Variants in HSD17B12 observed in about 807,000 individuals in gnomAD.
HSD17B12 encodes very-long-chain 3-oxoacyl-CoA reductase.
Under a neutral mutation model 39.3 loss-of-function variants are expected in HSD17B12, and 32 were observed. The observed-to-expected ratio is 0.81, with a 90% CI of 0.61 to 1.09. The LOEUF is 1.09. HSD17B12 is among the 50% of genes least tolerant of loss of function. The pLI, the probability that HSD17B12 is intolerant of heterozygous loss-of-function variation, is 0.00. For synonymous variants in HSD17B12, 150 were observed against 146.7 expected (o/e 1.02, Z -0.16); for missense variants, 342 against 382.9 (o/e 0.89, Z 0.89).
At chr11:43,614,736 G>A in the HSD17B12 span, among the ~76,000 whole-genome samples, 1 of 152,118 alleles carries the variant, frequency 6.6e-6, no homozygotes. Flanking sequence ...CAGTGTCCAA[G>A]CTGCTGTTAA....
chr11:43,848,448 G>T (rs975776883), intron 9 of HSD17B12: 1 of 152,132 alleles, frequency 6.6e-6, no homozygotes, highest in Non-Finnish European at 1.5e-5. Context: ...TATTCTCCAT[G>T]GAAAATGGCA....
intron 3 of HSD17B12, among the ~76,000 whole-genome samples, chr11:43,797,595 C>G (rs563927507): frequency 6.6e-6 from 1 of 152,322 alleles, no homozygotes; most frequent in South Asian, 2.1e-4. Context: ...TATCTCTTCA[C>G]AGGGGCTGTC....
chr11:43,706,815 G>A (rs1055308433), intron 1 of HSD17B12, among the ~76,000 whole-genome samples: 1 of 151,922 alleles, frequency 6.6e-6, no homozygotes, highest in East Asian at 1.9e-4. Context: ...CTGTGTTTAA[G>A]GTACAGTATT....
intron 7 of HSD17B12, chr11:43,833,433 A>G (rs1354754483): frequency 6.6e-6 from 1 of 152,136 alleles, no homozygotes; most frequent in African/African-American, 2.4e-5. Flanking sequence ...CAGCTGACAG[A>G]TGAAAGACAA....
rs529174203 is a variant in HSD17B12, at chr11:43,772,188, A to G, written c.283+18067A>G. Among the ~76,000 whole-genome samples, 31 of 152,352 alleles carry G rather than the reference A, an allele frequency of 2.0e-4. No homozygotes were observed. The Middle Eastern group carries it at 0.014, about 67-fold the overall frequency. On this transcript the variant is annotated intron_variant, in intron 3 of 10. Coordinates refer to ENST00000278353, the MANE Select transcript of HSD17B12 (RefSeq NM_016142.3). Reference sequence around the variant, plus strand: ...GTTGAGTCGTTAATAGTGAGGAGACATAAAGTACATTTTAAAGATCCTGTT... The same window carrying G: ...GTTGAGTCGTTAATAGTGAGGAGACGTAAAGTACATTTTAAAGATCCTGTT...
At chr11:43,560,602 C>A in the HSD17B12 span, among the ~76,000 whole-genome samples, 1 of 152,210 alleles carries the variant, frequency 6.6e-6, no homozygotes, top group South Asian at 2.1e-4. Flanking sequence ...TCTCACTGAG[C>A]TCCCACTGGA....
intron 1 of HSD17B12, among the ~76,000 whole-genome samples, chr11:43,683,135 C>T (rs1199524609): frequency 1.3e-5 from 2 of 149,000 alleles, no homozygotes; most frequent in Non-Finnish European, 3.0e-5. Flanking sequence ...TAAAATTGAC[C>T]ATATTGGTTG....
intron 3 of HSD17B12, among the ~76,000 whole-genome samples, chr11:43,773,786 A>T (rs532972875): frequency 6.6e-6 from 1 of 152,148 alleles, no homozygotes; most frequent in African/African-American, 2.4e-5. Flanking sequence ...TGTATATACC[A>T]CCTACAAAAT....
At chr11:43,574,328 G>C in the HSD17B12 span, among the ~76,000 whole-genome samples, 1 of 152,186 alleles carries the variant, frequency 6.6e-6, no homozygotes, top group African/African-American at 2.4e-5. Flanking sequence ...TGGCATCAAA[G>C]GAAACCATTG....
intron 1 of HSD17B12, chr11:43,718,857 C>A: frequency 1.1e-6 from 1 of 876,412 alleles, no homozygotes; most frequent in Non-Finnish European, 1.9e-6. Flanking sequence ...CCCAAATATC[C>A]TCGGAAAAGC....
the HSD17B12 span, among the ~76,000 whole-genome samples, chr11:43,669,715 GTC>G: frequency 2.0e-5 from 3 of 152,038 alleles, no homozygotes; most frequent in Admixed American, 6.6e-5. Context: ...CTCTCCCTCT[GTC>G]TCTTTGTGTT....
chr11:43,768,644 G>A (rs1336717411), intron 3 of HSD17B12, among the ~76,000 whole-genome samples: 2 of 152,218 alleles, frequency 1.3e-5, no homozygotes. Context: ...TGAAGCCACA[G>A]ACCTCACTGC....
upstream of HSD17B12, chr11:43,680,710 A>G: frequency 1.1e-6 from 1 of 881,922 alleles, no homozygotes; most frequent in South Asian, 1.5e-5. Context: ...TTTAGGCCCA[A>G]AGTGGTGTCG....
chr11:43,655,080 C>T, the HSD17B12 span, among the ~76,000 whole-genome samples: 2 of 152,010 alleles, frequency 1.3e-5, no homozygotes, highest in Non-Finnish European at 2.9e-5. Context: ...TTTTATTTCA[C>T]TGAGCAGTGG....
At chr11:43,564,247 C>T in the HSD17B12 span, among the ~76,000 whole-genome samples, 1 of 152,298 alleles carries the variant, frequency 6.6e-6, no homozygotes, top group South Asian at 2.1e-4. Flanking sequence ...GTATTAATAA[C>T]CAGAGAGCCA....
intron 1 of HSD17B12, among the ~76,000 whole-genome samples, chr11:43,721,627 A>T (rs773600214): frequency 6.6e-6 from 1 of 152,116 alleles, no homozygotes; most frequent in Non-Finnish European, 1.5e-5. Context: ...TCAAAAAAGA[A>T]AAAGAATGTT....
chr11:43,618,604 A>AC, the HSD17B12 span, among the ~76,000 whole-genome samples: 2 of 152,136 alleles, frequency 1.3e-5, no homozygotes, highest in Non-Finnish European at 2.9e-5. Flanking sequence ...TGTCCTACTG[A>AC]AGGGTTGGTT....
chr11:43,806,503 GC>G (rs1309448509), intron 4 of HSD17B12: 1 of 151,722 alleles, frequency 6.6e-6, no homozygotes, highest in East Asian at 1.9e-4. Flanking sequence ...ATATTATTCA[GC>G]CATTAAAAAA....
chr11:43,780,525 T>A (rs1950755097), intron 3 of HSD17B12, among the ~76,000 whole-genome samples: 1 of 152,112 alleles, frequency 6.6e-6, no homozygotes, highest in Non-Finnish European at 1.5e-5. Flanking sequence ...GTGCATACCA[T>A]ACATATGTTA....
Sources: allele counts gnomAD v4.1 joint callset (sites outside exome capture counted in the v4.1 genomes callset), GRCh38; gene constraint gnomAD v4.1.1; transcripts MANE v1.5; gene names NCBI Gene and HGNC (gene_info 2026-07-23, HGNC 2026-07-21).